Variants in INVS observed in about 807,000 individuals in gnomAD.
INVS encodes the protein inversin.
Under a neutral mutation model 108.8 loss-of-function variants are expected in INVS, and 86 were observed. The observed-to-expected ratio is 0.79, with a 90% confidence interval of 0.66 to 0.95. The LOEUF is 0.95. Ranked by LOEUF, INVS falls within the 40% of genes least tolerant of loss-of-function variation. The pLI, the probability that INVS is intolerant of heterozygous loss-of-function variation, is 0.00. For missense variants in INVS, 1,169 were observed against 1,297.4 expected (o/e 0.90, Z 1.52); for synonymous variants, 455 against 473.5 (o/e 0.96, Z 0.51).
intron 13 of INVS, among the ~76,000 whole-genome samples, chr9:100,286,081 ACCTTAACTT>A (rs1259011357): frequency 2.0e-5 from 3 of 152,136 alleles, no homozygotes; most frequent in Non-Finnish European, 4.4e-5. Flanking sequence ...GTTTCTTTGA[ACCTTAACTT>A]CCTTAGCTAT....
chr9:100,117,332 G>T (rs1827566276), intron 2 of INVS: 1 of 732,860 alleles, frequency 1.4e-6, no homozygotes, highest in African/African-American at 1.7e-5. Context: ...GTCCTTGAGA[G>T]AGGCCCCCAG....
At chr9:100,102,147 G>GC (rs1827015330) in intron 1 of INVS, 1 of 151,672 alleles carries the variant, frequency 6.6e-6, no homozygotes, top group African/African-American at 2.4e-5. Flanking sequence ...AGGCTGGAGT[G>GC]CAGTGGCATG....
chr9:100,238,511 T>A (rs915052344), intron 5 of INVS, among the ~76,000 whole-genome samples: 2 of 152,244 alleles, frequency 1.3e-5, no homozygotes, highest in African/African-American at 4.8e-5. Context: ...ATATAGCTGT[T>A]ATCTTTAAAT....
At chr9:100,175,826 T>C in intron 3 of INVS, 1 of 668,196 alleles carries the variant, frequency 1.5e-6, no homozygotes, top group Non-Finnish European at 2.7e-6. Context: ...GTGCACCCAA[T>C]CCTGGAACAA....
chr9:100,211,001 G>C (rs1830814827), intron 3 of INVS, among the ~76,000 whole-genome samples: 1 of 151,964 alleles, frequency 6.6e-6, no homozygotes, highest in Non-Finnish European at 1.5e-5. Flanking sequence ...AGCAGCAGCA[G>C]CACTTCCCAG....
chr9:100,109,480 A>T (rs1286180499), intron 2 of INVS, among the ~76,000 whole-genome samples: 3 of 152,240 alleles, frequency 2.0e-5, no homozygotes, highest in Non-Finnish European at 1.5e-5. Flanking sequence ...TGAAAACTAA[A>T]CAAAATAATT....
intron 2 of INVS, among the ~76,000 whole-genome samples, chr9:100,124,177 AGTGTGTGTGTGT>A (rs3052021): frequency 4.6e-4 from 66 of 144,228 alleles, no homozygotes; most frequent in Admixed American, 6.2e-4. Flanking sequence ...TTTGTTTCTG[AGTGTGTGTGTGT>A]GTGTGTGTGT....
At chr9:100,100,999 TA>T (rs537537897) in intron 1 of INVS, among the ~76,000 whole-genome samples, 26 of 85,512 alleles carry the variant, frequency 3.0e-4, no homozygotes, top group African/African-American at 1.1e-3. Context: ...TATGTATATA[TA>T]ATATATATAT....
In INVS at chr9:100,103,776, C is replaced by T. The variant is rs184746265; in HGVS notation, c.-24-722C>T. Among the ~76,000 whole-genome samples, 40 of 151,832 alleles carry T rather than the reference C, an allele frequency of 2.6e-4. No homozygotes were observed. In the East Asian group the frequency reaches 6.3e-3, roughly 24 times the overall value. Reference sequence around the variant, plus strand: ...ATATTGCCCAGGCTGGTCTCAAACTCCTGGGCTCAAGAAATTCTCCTGTCT... The same window carrying T: ...ATATTGCCCAGGCTGGTCTCAAACTTCTGGGCTCAAGAAATTCTCCTGTCT... On this transcript the variant is annotated intron_variant, in intron 1 of 16. Coordinates refer to ENST00000262457, the MANE Select transcript of INVS (RefSeq NM_014425.5).
At position 100,252,401 on chromosome 9, in the gene INVS, G is replaced by T. The variant is rs1178041272; in HGVS notation, c.1197G>T (p.Glu399Asp). ...MKHTPLFRACEMGHKDVIQTL... is the reference protein window; with the variant it reads ...MKHTPLFRACDMGHKDVIQTL... ...ATACTCCACTTTTCCGAGCCTGTGA[G>T]ATGGGACACAAAGATGTGATTCAGA... Residue 399 changes from glutamate (E) to aspartate (D), a missense_variant, in exon 9 of 17, where the codon GAG becomes GAT. By Grantham distance (45) the Glu-to-Asp change is conservative. Coordinates refer to ENST00000262457, the MANE Select transcript of INVS (RefSeq NM_014425.5). 6.2e-7 allele frequency: 1 copy of T among 1,613,872 alleles called. No homozygotes were observed. The highest frequency in any genetic ancestry group is 1.3e-5 in the African/African-American group (1 of 74,922).
At position 100,288,669 on chromosome 9, in the gene INVS, G is replaced by A. The variant is rs118133394; in HGVS notation, c.2069-3657G>A. ...AGGGTCTCACCCTGTCACCCAGGCTGGAGTGCAGTGGTTCAAGCACAGCTC... is the reference window on the plus strand; with the variant it reads ...AGGGTCTCACCCTGTCACCCAGGCTAGAGTGCAGTGGTTCAAGCACAGCTC... On this transcript the variant is annotated intron_variant, in intron 13 of 16. Coordinates refer to ENST00000262457, the MANE Select transcript of INVS (RefSeq NM_014425.5). Among the ~76,000 whole-genome samples, 648 of 151,662 alleles carry A rather than the reference G, an allele frequency of 4.3e-3. 14 individuals are homozygous for A. The highest frequency in any genetic ancestry group is 0.03 in the Admixed American group (452 of 15,238).
intron 3 of INVS, among the ~76,000 whole-genome samples, chr9:100,133,431 T>C (rs1289041199): frequency 6.6e-6 from 1 of 152,134 alleles, no homozygotes; most frequent in South Asian, 2.1e-4. Context: ...GGTATTATAC[T>C]GTGTGACATT....
intron 3 of INVS, among the ~76,000 whole-genome samples, chr9:100,149,341 A>G (rs775363677): frequency 9.2e-5 from 14 of 152,172 alleles, no homozygotes; most frequent in Non-Finnish European, 2.1e-4. Flanking sequence ...AAATCTTAGT[A>G]TTTGAAACTC....
chr9:100,141,717 GCCTGAACAATC>G (rs1287172335), intron 3 of INVS, among the ~76,000 whole-genome samples: 1 of 152,180 alleles, frequency 6.6e-6, no homozygotes, highest in African/African-American at 2.4e-5. Context: ...AAGGGAGGAG[GCCTGAACAATC>G]CCTGAGGGGT....
chr9:100,275,543 T>C (rs753688987), intron 12 of INVS, among the ~76,000 whole-genome samples: 9 of 152,214 alleles, frequency 5.9e-5, no homozygotes, highest in Non-Finnish European at 8.8e-5. Flanking sequence ...TAATTTTGCG[T>C]TTAATTCTTG....
intron 3 of INVS, among the ~76,000 whole-genome samples, chr9:100,178,612 AC>A (rs1270701682): frequency 6.6e-6 from 1 of 152,246 alleles, no homozygotes; most frequent in Non-Finnish European, 1.5e-5. Context: ...AAAGGAATGC[AC>A]AAAGACTCCA....
intron 3 of INVS, among the ~76,000 whole-genome samples, chr9:100,151,716 TAG>T (rs1828812871): frequency 6.6e-6 from 1 of 152,206 alleles, no homozygotes; most frequent in Non-Finnish European, 1.5e-5. Flanking sequence ...CCTCCAGTTT[TAG>T]TACTATCTAT....
In INVS at chr9:100,246,623, T is replaced by C; in HGVS notation, c.914T>C (p.Val305Ala). The change falls in exon 8 of 17, where the codon GTT becomes GCT. Residue 305 changes from valine to alanine, a missense_variant. By Grantham distance (64) the Val-to-Ala change is moderately conservative. Coordinates refer to ENST00000262457, the MANE Select transcript of INVS (RefSeq NM_014425.5). ...YAAQSNFAET[V>A]KVFLKHPSVK... Reference sequence around the variant, plus strand: ...AATCAAGTTTTCTTACAGGAAACGGTTAAAGTGTTTTTAAAACATCCTTCA... The same window carrying C: ...AATCAAGTTTTCTTACAGGAAACGGCTAAAGTGTTTTTAAAACATCCTTCA... The C allele has an allele frequency of 6.2e-7, 1 of 1,613,278 alleles. No individual in the cohort carries two copies. The highest frequency in any genetic ancestry group is 8.5e-7 in the Non-Finnish European group (1 of 1,179,266).
At chr9:100,201,836 G>A (rs1467778980) in intron 3 of INVS, among the ~76,000 whole-genome samples, 1 of 152,190 alleles carries the variant, frequency 6.6e-6, no homozygotes, top group Non-Finnish European at 1.5e-5. Flanking sequence ...AATCAGAAGA[G>A]TAAGAGACTA....
Sources: allele counts gnomAD v4.1 joint callset (sites outside exome capture counted in the v4.1 genomes callset), GRCh38; gene constraint gnomAD v4.1.1; transcripts MANE v1.5; gene names NCBI Gene and HGNC (gene_info 2026-07-23, HGNC 2026-07-21).